The following ACIN1 variants were observed in gnomAD, a reference collection of about 807,000 sequenced individuals.
ACIN1 encodes apoptotic chromatin condensation inducer in the nucleus.
In ACIN1, 16 loss-of-function variants were observed where a neutral mutation model predicts 146.6. The ratio of observed to expected loss-of-function variants is 0.11; its 90% confidence interval spans 0.07 to 0.17. The LOEUF is 0.17. Ranked by LOEUF, ACIN1 falls within the 10% of genes least tolerant of loss-of-function variation. ACIN1 has a pLI of 1.00. For synonymous variants in ACIN1, 569 were observed against 582.7 expected (o/e 0.98, Z 0.34); for missense variants, 1,357 against 1,609.3 (o/e 0.84, Z 2.68).
chr14:23,080,694 T>A lies in ACIN1; in HGVS notation c.641A>T (p.Glu214Val), dbSNP rs766245896. ...RADRNLKTEE[E>V]EEEEEEEEED... ...TTCCTCCTCCTCCTCCTCCTCTTCT[T>A]CCTCCTCTGTTTTCAAATTTCGATC... Residue 214 changes from glutamate to valine, a missense_variant, in exon 6 of 19, where the codon GAA (glutamate) becomes GTA (valine). Coordinates refer to ENST00000605057, the MANE Select transcript of ACIN1 (RefSeq NM_001386863.1). 6.2e-7 allele frequency: 1 copy of A among 1,613,880 alleles called. No individual in the cohort carries two copies.
rs1056217274 is a variant in ACIN1 at position 23,080,448 on chromosome 14, C to T, written c.887G>A (p.Arg296Lys). ...TTTCATTTCCTTCTCCTGCTGCTGT[C>T]TGGCCAGATGACTTTTTCTAGCCTC... is the stretch of plus-strand genomic sequence containing the variant. ...QEEARKSHLA[R>K]QQQEKEMKTT... is the part of the protein sequence containing the mutation. Residue 296 changes from arginine (R) to lysine (K), a missense_variant, in exon 6 of 19, where the codon AGA becomes AAA. By Grantham distance (26) the Arg-to-Lys change is conservative (BLOSUM62 2). Coordinates refer to ENST00000605057, the MANE Select transcript of ACIN1 (RefSeq NM_001386863.1). 23 of 1,614,076 alleles carry T rather than the reference C, an allele frequency of 1.4e-5. No homozygotes were observed. The highest frequency in any genetic ancestry group is 1.8e-5 in the Non-Finnish European group (21 of 1,180,040).
chr14:23,090,764 T>C (rs8020434), intron 2 of ACIN1, 131 bp from the exon 3 acceptor site: 426,276 of 604,890 alleles, frequency 0.7, 154,616 homozygotes, highest in East Asian at 0.82. Context: ...GTTGGAAGGC[T>C]TTTTTCTAAG....
chr14:23,088,498 C>T (rs555729876), intron 4 of ACIN1, among the ~76,000 whole-genome samples: 1 of 152,260 alleles, frequency 6.6e-6, no homozygotes, highest in Admixed American at 6.5e-5. Flanking sequence ...CATTAAATGT[C>T]TCCTAAAAAA....
intron 9 of ACIN1, 56 bp from the exon 10 acceptor site, chr14:23,066,064 G>T (rs2047444761): frequency 1.3e-6 from 2 of 1,498,626 alleles, no homozygotes; most frequent in South Asian, 1.1e-5. Context: ...CCCACAGAGA[G>T]GGGGGAAGGA....
chr14:23,063,209 A>G (rs1188193050), intron 13 of ACIN1, 135 bp from the exon 14 acceptor site: 5 of 1,161,070 alleles, frequency 4.3e-6, no homozygotes, highest in Admixed American at 2.4e-5. Context: ...GAGCACCTAT[A>G]ATCTGCAAAG....
chr14:23,064,915 G>C (rs893084188), intron 10 of ACIN1, among the ~76,000 whole-genome samples: 1 of 103,626 alleles, frequency 9.7e-6, no homozygotes, highest in Non-Finnish European at 1.9e-5. Context: ...AAAAAGAAAA[G>C]AAATCATATT....
At chr14:23,090,391 G>T in intron 3 of ACIN1, 131 bp downstream of exon 3, 1 of 871,846 alleles carries the variant, frequency 1.1e-6, no homozygotes, top group Non-Finnish European at 1.8e-6. Context: ...GGCTTCATGG[G>T]CTATGAAAGC....
In ACIN1 at chr14:23,062,966, C is replaced by T. The variant is rs754746940; in HGVS notation, c.2846G>A (p.Arg949Gln). 7 of 1,611,292 alleles carry T rather than the reference C, an allele frequency of 4.3e-6. No homozygotes were observed. Among genetic ancestry groups the T allele is most frequent in the East Asian group, 4.5e-5 (2 of 44,870 alleles). Residue 949 changes from arginine (R) to glutamine (Q), a missense_variant, in exon 14 of 19, where the codon CGG becomes CAG. Physicochemically the swap from Arg to Gln is conservative, Grantham distance 43 (BLOSUM62 1). Transcript: ENST00000605057. The stretch of plus-strand genomic sequence containing the variant: ...ATGGACAATGTTGCTAATCTTGCCC[C>T]GGGGTGGGGAGGGCACCTGGGCAGT... ...VRTAQVPSPP[R>Q]GKISNIVHIS...
intron 1 of ACIN1, 133 bp downstream of exon 1, chr14:23,094,818 CGAACCTCATCAACCACCGTGCGCG>C (rs2048332007): frequency 8.7e-7 from 1 of 1,144,312 alleles, no homozygotes; most frequent in Non-Finnish European, 1.2e-6. Context: ...CATTCCAGCG[CGAACCTCATCAACCACCGTGCGCG>C]CGGATCCAGA....
At position 23,061,546 on chromosome 14, in the gene ACIN1, A is replaced by C. The variant is rs779371686; in HGVS notation, c.3176T>G (p.Leu1059Arg). Residue 1059 changes from leucine to arginine, a missense_variant, in exon 17 of 19, where the codon CTG (leucine) becomes CGG (arginine). Coordinates refer to ENST00000605057, the MANE Select transcript of ACIN1 (RefSeq NM_001386863.1). ...GACCGGGGGTGGGGGTGGGGGGTGCAGGGGCCGTGGTATTCCCTGCTCCTC... is the reference window on the plus strand; with the variant it reads ...GACCGGGGGTGGGGGTGGGGGGTGCCGGGGCCGTGGTATTCCCTGCTCCTC... ...KTEEQGIPRP[L>R]HPPPPPPVQP... The C allele has an allele frequency of 2.6e-6, 3 of 1,166,982 alleles. No individual in the cohort carries two copies. Among genetic ancestry groups the C allele is most frequent in the Non-Finnish European group, 3.6e-6 (3 of 837,386 alleles). The allele number at this position is 1,166,982 out of a possible 1,614,324, so 72.3% of individuals were successfully genotyped here.
chr14:23,061,573 G>T lies in ACIN1; in HGVS notation c.3149C>A (p.Thr1050Lys). Residue 1050 changes from threonine to lysine, a missense_variant, in exon 17 of 19, where the codon ACA becomes AAA. By Grantham distance (78) the Thr-to-Lys change is moderately conservative. This residue lies in a region of ACIN1 where 509 missense variants were observed against 719.6 expected (regional missense o/e 0.71). Coordinates refer to ENST00000605057, the MANE Select transcript of ACIN1 (RefSeq NM_001386863.1). Reference sequence around the variant, plus strand: ...GGGCCGTGGTATTCCCTGCTCCTCTGTCTTAGTTTCAGAGGGACGGTCCAC... The same window carrying T: ...GGGCCGTGGTATTCCCTGCTCCTCTTTCTTAGTTTCAGAGGGACGGTCCAC... ...LLVDRPSETK[T>K]EEQGIPRPLH... The T allele has an allele frequency of 6.4e-7, 1 of 1,566,706 alleles. No homozygotes were observed.
At chr14:23,073,057 T>C (rs561329834) in intron 8 of ACIN1, among the ~76,000 whole-genome samples, 12 of 152,378 alleles carry the variant, frequency 7.9e-5, no homozygotes, top group Middle Eastern at 3.4e-3. Flanking sequence ...GCACACTTAA[T>C]AGGCCATTAT....
At position 23,070,935 on chromosome 14, in the gene ACIN1, T is replaced by A. The variant is rs1566740865; in HGVS notation, c.2124-1318A>T. On this transcript the variant is annotated intron_variant, in intron 8 of 18. Transcript: ENST00000605057. The stretch of plus-strand genomic sequence containing the variant: ...AGAGAAAAGGCTTATACAAAAAAAA[T>A]ATCTATTTCCCATACAGAAAGGGCA... Among the ~76,000 whole-genome samples, 3 of 151,700 alleles carry A rather than the reference T, an allele frequency of 2.0e-5. No individual in the cohort carries two copies. The East Asian group carries it at 5.9e-4, about 30-fold the overall frequency.
chr14:23,061,882 G>A, intron 16 of ACIN1, among the ~76,000 whole-genome samples: 1 of 150,594 alleles, frequency 6.6e-6, no homozygotes, highest in East Asian at 1.9e-4. Flanking sequence ...GCTGAGGCAG[G>A]AGAATGGCGT....
At chr14:23,087,893 TA>T (rs1258044359) in intron 4 of ACIN1, among the ~76,000 whole-genome samples, 2 of 152,234 alleles carry the variant, frequency 1.3e-5, no homozygotes, top group Non-Finnish European at 2.9e-5. Flanking sequence ...TGTTCCTTCC[TA>T]AAAATATCTT....
chr14:23,081,417 A>G (rs2047941549), intron 5 of ACIN1, among the ~76,000 whole-genome samples: 1 of 152,230 alleles, frequency 6.6e-6, no homozygotes, highest in African/African-American at 2.4e-5. Context: ...AGATCTAAAT[A>G]AAAAGACAAA....
At chr14:23,093,448 C>T (rs1466173822) in intron 2 of ACIN1, 31 bp downstream of exon 2, 16 of 1,592,458 alleles carry the variant, frequency 1.0e-5, no homozygotes, top group Admixed American at 1.7e-5. Context: ...ATCCAAAGGG[C>T]CCACTCCATT....
At chr14:23,075,186 C>T (rs770152436) in intron 8 of ACIN1, among the ~76,000 whole-genome samples, 3 of 152,128 alleles carry the variant, frequency 2.0e-5, no homozygotes, top group Non-Finnish European at 2.9e-5. Flanking sequence ...TGCATTGTAC[C>T]AAGAGCCTAA....
intron 10 of ACIN1, among the ~76,000 whole-genome samples, chr14:23,064,937 G>A (rs1455815342): frequency 6.6e-6 from 1 of 151,586 alleles, no homozygotes; most frequent in African/African-American, 2.4e-5. Flanking sequence ...GGGAACTGGG[G>A]AAACCATGGC....
Sources: allele counts gnomAD v4.1 joint callset (sites outside exome capture counted in the v4.1 genomes callset), GRCh38; gene constraint gnomAD v4.1.1; regional missense constraint gnomAD v4.1.1; transcripts MANE v1.5; gene names NCBI Gene and HGNC (gene_info 2026-07-23, HGNC 2026-07-21).